Variants in IGFL2 observed in about 807,000 individuals in gnomAD.
IGFL2 encodes IGF like family member 2, also known as insulin growth factor-like family member 2.
A neutral mutation model predicts 13.9 loss-of-function variants in IGFL2; 7 were observed. The observed-to-expected ratio is 0.51, with a 90% CI of 0.29 to 0.95. The LOEUF (loss-of-function observed/expected upper bound fraction) is 0.95. IGFL2 is among the 40% of genes least tolerant of loss of function. The probability of loss-of-function intolerance (pLI) is 0.08; values close to 1 mark genes in which losing one functional copy is unlikely to be tolerated. For synonymous variants in IGFL2, 55 were observed against 55.8 expected, an observed-to-expected ratio of 0.99 and a Z score of 0.07; for missense variants, 138 against 147.8, an observed-to-expected ratio of 0.93 and a Z score of 0.34.
the IGFL2 span, among the ~76,000 whole-genome samples, chr19:46,182,860 C>T: frequency 6.6e-6 from 1 of 152,086 alleles, no homozygotes; most frequent in African/African-American, 2.4e-5. Flanking sequence ...CCCATCTCTC[C>T]TGCCTCTCTC....
the IGFL2 span, among the ~76,000 whole-genome samples, chr19:46,121,130 C>G: frequency 1.3e-5 from 2 of 150,168 alleles, no homozygotes; most frequent in Non-Finnish European, 2.9e-5. Flanking sequence ...ATAGTCCCAG[C>G]ACTTTGGGAG....
the IGFL2 span, among the ~76,000 whole-genome samples, chr19:46,085,225 CA>C: frequency 6.7e-6 from 1 of 148,522 alleles, no homozygotes; most frequent in African/African-American, 2.5e-5. Flanking sequence ...GACTCCAGCT[CA>C]AAAAAAAAGG....
At chr19:46,154,127 G>A (rs181622828) in intron 1 of IGFL2, among the ~76,000 whole-genome samples, 1 of 152,004 alleles carries the variant, frequency 6.6e-6, no homozygotes, top group Non-Finnish European at 1.5e-5. Flanking sequence ...TGAGGATGAT[G>A]GTTTCCAGCT....
At chr19:46,150,674 C>G (rs932633922) in intron 1 of IGFL2, among the ~76,000 whole-genome samples, 9 of 151,898 alleles carry the variant, frequency 5.9e-5, no homozygotes, top group Admixed American at 4.6e-4. Flanking sequence ...TACAACACAC[C>G]ATTTGTTTTT....
chr19:46,195,029 T>TG, the IGFL2 span: 1 of 149,064 alleles, frequency 6.7e-6, no homozygotes, highest in Non-Finnish European at 1.5e-5. Flanking sequence ...CTTTTTTTTT[T>TG]TTTTGATACT....
At chr19:46,136,931 G>A in the IGFL2 span, 2 of 1,015,378 alleles carry the variant, frequency 2.0e-6, no homozygotes, top group Non-Finnish European at 3.1e-6. Flanking sequence ...ACATGAGAGA[G>A]GTGTCTGTAA....
the IGFL2 span, among the ~76,000 whole-genome samples, chr19:46,170,273 C>G: frequency 6.6e-5 from 10 of 152,096 alleles, no homozygotes; most frequent in South Asian, 2.1e-3. Flanking sequence ...ATGGAGGGAC[C>G]TGCTGAAGCC....
At chr19:46,106,861 C>A in the IGFL2 span, among the ~76,000 whole-genome samples, 5 of 151,888 alleles carry the variant, frequency 3.3e-5, no homozygotes, top group African/African-American at 9.7e-5. Context: ...CATGATCAGT[C>A]GCCAAGGAGG....
At chr19:46,145,632 G>A (rs868285676), upstream of IGFL2, among the ~76,000 whole-genome samples, 9 of 148,532 alleles carry the variant, frequency 6.1e-5, no homozygotes, top group Admixed American at 1.3e-4. Context: ...GTGTGTGTGT[G>A]TGTATTTATT....
chr19:46,120,955 T>A, the IGFL2 span, among the ~76,000 whole-genome samples: 4 of 150,846 alleles, frequency 2.7e-5, no homozygotes, highest in Non-Finnish European at 5.9e-5. Flanking sequence ...ATTAAAAAAT[T>A]AAAAAATAAA....
chr19:46,180,752 C>T, the IGFL2 span: 1 of 152,204 alleles, frequency 6.6e-6, no homozygotes, highest in Non-Finnish European at 1.5e-5. Context: ...GCCCTGAGAG[C>T]ACCTGGCAAA....
At chr19:46,205,058 A>G in the IGFL2 span, 1 of 152,024 alleles carries the variant, frequency 6.6e-6, no homozygotes, top group Non-Finnish European at 1.5e-5. Context: ...AAGTGCTGGG[A>G]TTACAGGCGT....
chr19:46,207,358 G>A, the IGFL2 span: 3 of 152,012 alleles, frequency 2.0e-5, no homozygotes, highest in East Asian at 1.9e-4. Context: ...ATGATACTGA[G>A]GCTACCTGGG....
chr19:46,106,423 T>A, the IGFL2 span, among the ~76,000 whole-genome samples: 1 of 151,864 alleles, frequency 6.6e-6, no homozygotes, highest in Admixed American at 6.6e-5. Context: ...TGAAGCCTTG[T>A]GGCAGTACAG....
the IGFL2 span, among the ~76,000 whole-genome samples, chr19:46,199,058 T>A: frequency 6.6e-6 from 1 of 152,132 alleles, no homozygotes; most frequent in Non-Finnish European, 1.5e-5. Context: ...GATTTGGGTC[T>A]CATCCAGGGA....
chr19:46,153,615 A>G (rs1973634473), intron 1 of IGFL2, among the ~76,000 whole-genome samples: 1 of 152,048 alleles, frequency 6.6e-6, no homozygotes, highest in Non-Finnish European at 1.5e-5. Context: ...AGGATAAGAA[A>G]TAAGCAATTA....
upstream of IGFL2, among the ~76,000 whole-genome samples, chr19:46,139,416 C>G (rs988404308): frequency 6.6e-6 from 1 of 151,694 alleles, no homozygotes; most frequent in African/African-American, 2.4e-5. Flanking sequence ...GAAAGAACCT[C>G]TATGCACATG....
rs150130166 is a variant in IGFL2 at position 46,150,839 on chromosome 19, T to C, written c.19+2542T>C. On this transcript the variant is annotated intron_variant, in intron 1 of 3. Coordinates refer to ENST00000377693, the MANE Select transcript of IGFL2 (RefSeq NM_001135113.2). ...CACGCACCACCACACCATGCTAATTTTGTTTTTCATAGAGACGATGTCTCA... is the reference window on the plus strand; with the variant it reads ...CACGCACCACCACACCATGCTAATTCTGTTTTTCATAGAGACGATGTCTCA... Among the ~76,000 whole-genome samples, 404 of 152,244 alleles carry C rather than the reference T, an allele frequency of 2.7e-3. 1 individual carries two copies. The highest frequency in any genetic ancestry group is 9.5e-3 in the African/African-American group (393 of 41,552).
the IGFL2 span, among the ~76,000 whole-genome samples, chr19:46,085,312 G>T: frequency 6.6e-6 from 1 of 152,012 alleles, no homozygotes; most frequent in Non-Finnish European, 1.5e-5. Flanking sequence ...CTTGACTCCA[G>T]ACTGTAGTGT....
Sources: gnomAD v4.1 joint callset for allele counts (sites outside exome capture counted in the v4.1 genomes callset) on GRCh38, gnomAD v4.1.1 for gene constraint, MANE v1.5 for transcripts, NCBI Gene and HGNC (gene_info 2026-07-23, HGNC 2026-07-21) for gene names.